The following BECN1 variants were observed in gnomAD, a reference collection of about 807,000 sequenced individuals.
The protein encoded by BECN1 is beclin-1.
In BECN1, 15 loss-of-function variants were observed where a neutral mutation model predicts 60.1. The ratio of observed to expected loss-of-function variants is 0.25; its 90% CI spans 0.17 to 0.38. BECN1 has a LOEUF of 0.38. Ranked by LOEUF, BECN1 falls within the 10% of genes least tolerant of loss-of-function variation. The pLI, the probability that BECN1 is intolerant of heterozygous loss-of-function variation, is 1.00. For synonymous variants in BECN1, 179 were observed against 201.8 expected, an observed-to-expected ratio of 0.89 and a Z score of 0.96; for missense variants, 424 against 548.2, an observed-to-expected ratio of 0.77 and a Z score of 2.26.
Position 42,818,622 on chromosome 17 carries a change from C to T in BECN1, c.410G>A (p.Cys137Tyr). 1 of 1,614,190 alleles carries T rather than the reference C, an allele frequency of 6.2e-7. No homozygotes were observed. The highest frequency in any genetic ancestry group is 8.5e-7 in the Non-Finnish European group (1 of 1,180,032). Residue 137 changes from cysteine (C) to tyrosine (Y), a missense_variant, in exon 6 of 12, where the codon TGT becomes TAT. By Grantham distance (194) the Cys-to-Tyr change is radical (BLOSUM62 -2). Coordinates refer to ENST00000590099, the MANE Select transcript of BECN1 (RefSeq NM_001313998.2). ...SGQTDVDHPLCEECTDTLLDQ... is the reference protein window; with the variant it reads ...SGQTDVDHPLYEECTDTLLDQ... ...TAAAAGAGTATCTGTGCATTCCTCACAGAGTGGGTGATCCACATCTGTCTG... is the reference window on the plus strand; with the variant it reads ...TAAAAGAGTATCTGTGCATTCCTCATAGAGTGGGTGATCCACATCTGTCTG...
rs1386124887 is a variant in BECN1, at chr17:42,814,004, G to A, written c.985C>T (p.Arg329Ter). ...GAATGGTTTCCGTAAGGAACAAGTC[G>A]GTATCTAAAATAGAGATACAAACAG... ...NKMGLKFQRY[R>*]LVPYGNHSYL... The change falls in exon 10 of 12, where the codon CGA (arginine) becomes TGA (stop). Residue 329 changes from arginine to a stop codon, truncating the protein, a stop_gained. Transcript: ENST00000590099. LOFTEE classifies it high-confidence loss of function. The A allele has an allele frequency of 2.5e-6, 4 of 1,598,288 alleles. No homozygotes were observed. Among genetic ancestry groups the A allele is most frequent in the Non-Finnish European group, 2.6e-6 (3 of 1,168,740 alleles).
rs1186036901 is a variant in BECN1, at chr17:42,810,744, C to T, written c.*16G>A. ...ATTAAAAGCCTTTAAGGCAAACCTC[C>T]CCCTAAGGAAAAAAGTCATTTGTTA... On this transcript the variant is annotated 3_prime_UTR_variant, in exon 12 of 12. Coordinates refer to ENST00000590099, the MANE Select transcript of BECN1 (RefSeq NM_001313998.2). 4 of 1,587,194 alleles carry T rather than the reference C, an allele frequency of 2.5e-6. No homozygotes were observed. The highest frequency in any genetic ancestry group is 2.6e-6 in the Non-Finnish European group (3 of 1,168,192).
Position 42,811,803 on chromosome 17 carries a change from C to CA in BECN1, c.1042-7dup. The stretch of plus-strand genomic sequence containing the variant: ...GAACAGTATAACGGCAGCTCCTGCC[C>CA]AAGAAGAGAAAACTGGCTATGGATC... On this transcript the variant is annotated splice_polypyrimidine_tract_variant and splice_region_variant and intron_variant, in intron 10 of 11. Transcript: ENST00000590099. 1 of 1,606,426 alleles carries CA rather than the reference C, an allele frequency of 6.2e-7. No homozygotes were observed. The highest frequency in any genetic ancestry group is 1.3e-5 in the African/African-American group (1 of 74,322).
intron 11 of BECN1, chr17:42,811,241 G>C: frequency 3.3e-6 from 1 of 306,248 alleles, no homozygotes; most frequent in Non-Finnish European, 5.9e-6. Flanking sequence ...GGGGAGAAAG[G>C]AGGCAGAAGA....
chr17:42,817,864 AG>A (rs767361070), intron 7 of BECN1, among the ~76,000 whole-genome samples: 8 of 152,108 alleles, frequency 5.3e-5, no homozygotes, highest in African/African-American at 7.2e-5. Flanking sequence ...GAAATGTTTA[AG>A]CTTGGAGGGA....
chr17:42,811,107 G>A lies in BECN1; in HGVS notation c.1185-179C>T, dbSNP rs908600020. 8.5e-6 allele frequency: 5 copies of A among 591,092 alleles called. No individual in the cohort carries two copies. The Admixed American group carries it at 1.4e-4, about 17-fold the overall frequency. 36.6% of individuals were successfully genotyped at this position (591,092 alleles called of 1,614,324 possible). ...AAAAATCAAGAAGACTGTCACAAGA[G>A]CCTCATTGTCATTGCAGAGTACAGG... is the stretch of plus-strand genomic sequence containing the variant. On this transcript the variant is annotated intron_variant, in intron 11 of 11. Coordinates refer to ENST00000590099, the MANE Select transcript of BECN1 (RefSeq NM_001313998.2).
At chr17:42,818,083 C>A (rs2055181609) in intron 7 of BECN1, 138 bp downstream of exon 7, 3 of 857,980 alleles carry the variant, frequency 3.5e-6, no homozygotes, top group Non-Finnish European at 5.3e-6. Context: ...GGCATGGAAG[C>A]AATATGCAGG....
Position 42,811,754 on chromosome 17 carries a change from T to C in BECN1, c.1085A>G (p.Asp362Gly), listed in dbSNP as rs1467039052. The C allele has an allele frequency of 6.2e-7, 1 of 1,614,050 alleles. No individual in the cohort carries two copies. Among genetic ancestry groups the C allele is most frequent in the Non-Finnish European group, 8.5e-7 (1 of 1,180,032 alleles). The change falls in exon 11 of 12, where the codon GAC becomes GGC. Residue 362 changes from aspartate to glycine, a missense_variant. By Grantham distance (94) the Asp-to-Gly change is moderately conservative. Transcript: ENST00000590099. ...CACCATTGCATGGTCAAACTTGTTG[T>C]CCCAGAAAAACCGCAACCCCCCAGA... ...YCSGGLRFFWDNKFDHAMVAF... is the reference protein window; with the variant it reads ...YCSGGLRFFWGNKFDHAMVAF...
At position 42,810,553 on chromosome 17, in the gene BECN1, C is replaced by T; in HGVS notation, c.*207G>A. 2.4e-6 allele frequency: 1 copy of T among 421,312 alleles called. No individual in the cohort carries two copies. Among genetic ancestry groups the T allele is most frequent in the Non-Finnish European group, 4.0e-6 (1 of 248,190 alleles). The allele number at this position is 421,312 out of a possible 1,614,324, so 26.1% of individuals were successfully genotyped here. On this transcript the variant is annotated 3_prime_UTR_variant, in exon 12 of 12. Transcript: ENST00000590099. The stretch of plus-strand genomic sequence containing the variant: ...CATGGGGTTAAGAATCAAAACTGAC[C>T]AGGGCTGGCAACTATAGATGGCATG...
At chr17:42,818,079 G>T in intron 7 of BECN1, 142 bp downstream of exon 7, 1 of 832,582 alleles carries the variant, frequency 1.2e-6, no homozygotes, top group East Asian at 2.6e-5. Flanking sequence ...AAAGGGCATG[G>T]AAGCAATATG....
intron 9 of BECN1, 41 bp from the exon 10 acceptor site, chr17:42,814,049 C>T: frequency 7.2e-7 from 1 of 1,397,320 alleles, no homozygotes; most frequent in East Asian, 2.3e-5. Flanking sequence ...CAGGACTCCT[C>T]CCAAAGTGAT....
In BECN1 at chr17:42,816,015, C is replaced by T. The variant is rs1597931918; in HGVS notation, c.723G>A (p.Leu241=). 6.2e-7 allele frequency: 1 copy of T among 1,610,040 alleles called. No individual in the cohort carries two copies. The highest frequency in any genetic ancestry group is 8.5e-7 in the Non-Finnish European group (1 of 1,177,958). ...REYSEFKRQQ[L]ELDDELKSVE... ...CACTCTTCAGCTCATCATCCAGCTC[C>T]AGCTGCTGTCGTTTAAATTCACTGT... The change falls in exon 8 of 12, where the codon CTG becomes CTA. Residue 241 remains leucine, a synonymous_variant. Coordinates refer to ENST00000590099, the MANE Select transcript of BECN1 (RefSeq NM_001313998.2).
intron 7 of BECN1, among the ~76,000 whole-genome samples, chr17:42,817,265 A>G (rs1213727656): frequency 6.6e-6 from 1 of 151,862 alleles, no homozygotes; most frequent in Non-Finnish European, 1.5e-5. Context: ...ACTGCACTCC[A>G]GCCTGGATGA....
At chr17:42,820,573 G>A (rs1220902627) in intron 3 of BECN1, 1 of 506,024 alleles carries the variant, frequency 2.0e-6, no homozygotes, top group Non-Finnish European at 3.6e-6. Flanking sequence ...TGTGACCTCA[G>A]GTGCAGATCT....
At chr17:42,819,472 C>T in intron 4 of BECN1, 76 bp downstream of exon 4, 1 of 1,509,066 alleles carries the variant, frequency 6.6e-7, no homozygotes, top group Non-Finnish European at 9.1e-7. Context: ...CACCTGGCTC[C>T]AGGTCTCGAT....
At chr17:42,819,744 G>A in intron 3 of BECN1, 135 bp from the exon 4 acceptor site, 1 of 846,712 alleles carries the variant, frequency 1.2e-6, no homozygotes, top group Non-Finnish European at 1.8e-6. Context: ...TTAAAAAATG[G>A]GTATTATCGA....
chr17:42,815,347 G>C (rs1288997495), intron 8 of BECN1, among the ~76,000 whole-genome samples: 1 of 151,870 alleles, frequency 6.6e-6, no homozygotes, highest in East Asian at 1.9e-4. Flanking sequence ...CCCCCTCTCT[G>C]CAGACTTCTA....
intron 11 of BECN1, 37 bp from the exon 12 acceptor site, chr17:42,810,965 G>T (rs368837170): frequency 7.2e-6 from 11 of 1,527,810 alleles, no homozygotes; most frequent in Non-Finnish European, 9.7e-6. Flanking sequence ...TAGTAACTGA[G>T]ATCTGAGTTA....
chr17:42,823,373 A>G (rs997514245), intron 2 of BECN1, among the ~76,000 whole-genome samples: 4 of 150,724 alleles, frequency 2.7e-5, no homozygotes, highest in African/African-American at 9.8e-5. Flanking sequence ...TCCTGCCTCA[A>G]CCTCCCGAGT....
Sources: allele counts gnomAD v4.1 joint callset (sites outside exome capture counted in the v4.1 genomes callset), GRCh38; gene constraint gnomAD v4.1.1; transcripts MANE v1.5; gene names NCBI Gene and HGNC (gene_info 2026-07-23, HGNC 2026-07-21).